The following USE1 variants were observed in gnomAD, a reference collection of about 807,000 sequenced individuals.
The protein encoded by USE1 is unconventional SNARE in the ER 1.
A neutral mutation model predicts 37.6 loss-of-function variants in USE1; 32 were observed. That is an observed-to-expected ratio of 0.85 (90% CI 0.64 to 1.14). USE1 has a LOEUF of 1.14. USE1 is among the 50% of genes most tolerant of loss of function. The probability of loss-of-function intolerance (pLI) is 0.00; values close to 1 mark genes in which losing one functional copy is unlikely to be tolerated. For missense variants in USE1, 310 were observed against 332.2 expected (o/e 0.93, Z 0.52); for synonymous variants, 149 against 137.6 (o/e 1.08, Z -0.58).
chr19:17,217,805 G>A (rs984289719), intron 5 of USE1: 7 of 396,374 alleles, frequency 1.8e-5, no homozygotes, highest in Admixed American at 2.9e-5. Context: ...CCAGCTACTC[G>A]GGAGGCTGAG....
chr19:17,215,443 T>G lies in USE1; in HGVS notation c.38T>G (p.Leu13Arg). The stretch of plus-strand genomic sequence containing the variant: ...AGGCTGGAGCTAAACCTGGTGCGGC[T>G]GCTATCCCGCTGCGAGGCGATGGCA... ...ASRLELNLVR[L>R]LSRCEAMAAE... The change falls in exon 1 of 8, where the codon CTG (leucine) becomes CGG (arginine). Residue 13 changes from leucine to arginine, a missense_variant. Physicochemically the swap from Leu to Arg is moderately radical, Grantham distance 102. Coordinates refer to ENST00000263897, the MANE Select transcript of USE1 (RefSeq NM_018467.4). 1 of 1,562,962 alleles carries G rather than the reference T, an allele frequency of 6.4e-7. No individual in the cohort carries two copies. Among genetic ancestry groups the G allele is most frequent in the African/African-American group, 1.4e-5 (1 of 73,514 alleles).
At chr19:17,219,491 T>C in intron 7 of USE1, 104 bp downstream of exon 7, 1 of 1,440,112 alleles carries the variant, frequency 6.9e-7, no homozygotes, top group Non-Finnish European at 9.3e-7. Flanking sequence ...GAATAGGAGT[T>C]TCGTAGAAGG....
intron 6 of USE1, 45 bp downstream of exon 6, chr19:17,218,436 C>T (rs778215891): frequency 3.8e-5 from 62 of 1,612,302 alleles, no homozygotes; most frequent in Middle Eastern, 3.3e-4. Flanking sequence ...TTGGGCGGTG[C>T]GGCAGGGACG....
At chr19:17,216,586 G>A (rs1210479963) in intron 4 of USE1, among the ~76,000 whole-genome samples, 2 of 152,206 alleles carry the variant, frequency 1.3e-5, no homozygotes, top group Admixed American at 6.5e-5. Flanking sequence ...TTTGAGTCCT[G>A]GCTTGCAACT....
intron 5 of USE1, 25 bp from the exon 6 acceptor site, chr19:17,218,339 T>C (rs1235954592): frequency 8.7e-6 from 14 of 1,613,488 alleles, no homozygotes; most frequent in Non-Finnish European, 1.2e-5. Flanking sequence ...ACTCGCCTTT[T>C]TTGCTTGGCC....
At chr19:17,219,574 A>G in intron 7 of USE1, 57 bp from the exon 8 acceptor site, 1 of 1,535,584 alleles carries the variant, frequency 6.5e-7, no homozygotes, top group Non-Finnish European at 8.8e-7. Flanking sequence ...CCAGGGAAGT[A>G]GAGAGAGGCC....
At chr19:17,219,475 C>A in intron 7 of USE1, 88 bp downstream of exon 7, 1 of 1,451,510 alleles carries the variant, frequency 6.9e-7, no homozygotes, top group Non-Finnish European at 9.2e-7. Flanking sequence ...TGGGGCTTTG[C>A]GGGATGAATA....
intron 5 of USE1, chr19:17,217,910 TCA>T: frequency 6.7e-6 from 2 of 297,526 alleles, no homozygotes; most frequent in East Asian, 9.6e-5. Context: ...AGACTCCGTC[TCA>T]AAAAAAAAAA....
chr19:17,218,690 G>T, intron 6 of USE1: 1 of 279,562 alleles, frequency 3.6e-6, no homozygotes, highest in Non-Finnish European at 6.8e-6. Flanking sequence ...AGCCGGGCAT[G>T]GTGGCATGCG....
intron 7 of USE1, 95 bp from the exon 8 acceptor site, chr19:17,219,536 A>G: frequency 6.8e-7 from 1 of 1,466,082 alleles, no homozygotes; most frequent in Non-Finnish European, 9.1e-7. Flanking sequence ...GCACAGCACC[A>G]GCAAGCGACA....
intron 4 of USE1, among the ~76,000 whole-genome samples, chr19:17,216,687 T>C (rs1254884523): frequency 6.6e-6 from 1 of 152,156 alleles, no homozygotes; most frequent in African/African-American, 2.4e-5. Flanking sequence ...TTTTAAAATA[T>C]GAGTTGTTGT....
chr19:17,218,493 A>T, intron 6 of USE1, 102 bp downstream of exon 6: 2 of 1,482,770 alleles, frequency 1.3e-6, no homozygotes, highest in Non-Finnish European at 1.8e-6. Context: ...TACCACAAGG[A>T]TCTAAACCAA....
chr19:17,219,530 A>T (rs999509613), intron 7 of USE1, 101 bp from the exon 8 acceptor site: 46 of 1,456,326 alleles, frequency 3.2e-5, no homozygotes, highest in Non-Finnish European at 3.9e-5. Context: ...CAGAGGGCAC[A>T]GCACCAGCAA....
chr19:17,219,276 G>A lies in USE1; in HGVS notation c.486G>A (p.Leu162=). The A allele has an allele frequency of 3.1e-6, 5 of 1,613,802 alleles. No individual in the cohort carries two copies. Among genetic ancestry groups the A allele is most frequent in the Non-Finnish European group, 4.2e-6 (5 of 1,179,842 alleles). Residue 162 remains leucine (L), a synonymous_variant, in exon 7 of 8, where the codon CTG becomes CTA. Transcript: ENST00000263897. ...TGGCAGCTGAGCTAGACCTCGTCCT[G>A]CAGCGACATCAGAACCTCCAGGAAA... ...KQLAAELDLV[L]QRHQNLQEKL...
chr19:17,216,622 C>A (rs758963176), intron 4 of USE1, among the ~76,000 whole-genome samples: 14 of 152,178 alleles, frequency 9.2e-5, no homozygotes, highest in Non-Finnish European at 1.3e-4. Flanking sequence ...TTTCTTCAGC[C>A]GTAAAAGAGG....
chr19:17,219,622 C>T lies in USE1; in HGVS notation c.598-9C>T. 1 of 1,590,652 alleles carries T rather than the reference C, an allele frequency of 6.3e-7. No homozygotes were observed. On this transcript the variant is annotated splice_polypyrimidine_tract_variant and intron_variant, in intron 7 of 7. Transcript: ENST00000263897. ...AGTCCTGTTGACACCTTTTCCACCT[C>T]CCCCACAGACCCTGTCACACTCACT...
chr19:17,219,193 C>T lies in USE1; in HGVS notation c.423-20C>T. ...CCCACTCCATCTCTCATGTCCTCCT[C>T]CCCCCGTGTGTGAAATCAGTGGAGT... On this transcript the variant is annotated intron_variant, in intron 6 of 7. Transcript: ENST00000263897. The T allele has an allele frequency of 1.2e-6, 2 of 1,605,848 alleles. No individual in the cohort carries two copies. Among genetic ancestry groups the T allele is most frequent in the Non-Finnish European group, 1.7e-6 (2 of 1,173,836 alleles).
At chr19:17,215,608 G>A in intron 1 of USE1, 101 bp downstream of exon 1, 2 of 1,438,488 alleles carry the variant, frequency 1.4e-6, no homozygotes, top group Admixed American at 2.1e-5. Flanking sequence ...GTAGCCTCTC[G>A]GGCAGCGCCC....
In USE1 at chr19:17,216,281, C is replaced by G; in HGVS notation, c.344C>G (p.Ala115Gly). Residue 115 changes from alanine (A) to glycine (G), a missense_variant, in exon 4 of 8, where the codon GCG becomes GGG. Transcript: ENST00000263897. ...AAGACGGTGCATCTGCAGTCACGGG[C>G]GCGGTACACCAGCGAGATGCGGAGT... ...ATKTVHLQSR[A>G]RYTSEMRSEL... The G allele has an allele frequency of 6.2e-7, 1 of 1,612,930 alleles. No individual in the cohort carries two copies. Among genetic ancestry groups the G allele is most frequent in the Non-Finnish European group, 8.5e-7 (1 of 1,179,762 alleles).
Sources: gnomAD v4.1 joint callset for allele counts (sites outside exome capture counted in the v4.1 genomes callset) on GRCh38, gnomAD v4.1.1 for gene constraint, MANE v1.5 for transcripts, NCBI Gene and HGNC (gene_info 2026-07-23, HGNC 2026-07-21) for gene names.